Variants in PTPN14 observed in about 807,000 individuals in gnomAD.
The protein encoded by PTPN14 is protein tyrosine phosphatase non-receptor type 14.
Under a neutral mutation model 126.8 loss-of-function variants are expected in PTPN14, and 53 were observed. The observed-to-expected ratio is 0.42, with a 90% CI of 0.34 to 0.53. The LOEUF (loss-of-function observed/expected upper bound fraction) is 0.53, where lower values mean the gene tolerates loss of function less well. PTPN14 is among the 20% of genes least tolerant of loss of function. PTPN14 has a pLI of 0.08. For synonymous variants in PTPN14, 630 were observed against 599.3 expected (o/e 1.05, Z -0.75); for missense variants, 1,257 against 1,552.9 (o/e 0.81, Z 3.20).
In PTPN14 at chr1:214,376,215, T is replaced by G. The variant is rs1222581902; in HGVS notation, c.2907+4A>C. The G allele has an allele frequency of 6.2e-7, 1 of 1,611,684 alleles. No homozygotes were observed. Among genetic ancestry groups the G allele is most frequent in the Admixed American group, 1.7e-5 (1 of 59,974 alleles). ...CAAACCTTCTAACAGGCTTGCCTTC[T>G]TACCTTGATGTGGGAGGCATTAATG... On this transcript the variant is annotated splice_donor_region_variant and intron_variant, in intron 15 of 18. Coordinates refer to ENST00000366956, the MANE Select transcript of PTPN14 (RefSeq NM_005401.5).
At chr1:214,464,071 C>T (rs932060596) in intron 2 of PTPN14, among the ~76,000 whole-genome samples, 3 of 152,008 alleles carry the variant, frequency 2.0e-5, no homozygotes, top group African/African-American at 7.2e-5. Flanking sequence ...GTGAAGGCAA[C>T]GAGGGCTGTG....
At chr1:214,361,565 T>G (rs973406916) in intron 18 of PTPN14, among the ~76,000 whole-genome samples, 1 of 152,238 alleles carries the variant, frequency 6.6e-6, no homozygotes, top group Non-Finnish European at 1.5e-5. Flanking sequence ...TTGCTCAATC[T>G]TGTCTAGAAG....
intron 1 of PTPN14, among the ~76,000 whole-genome samples, chr1:214,535,925 A>G (rs1013730273): frequency 6.6e-6 from 1 of 152,230 alleles, no homozygotes; most frequent in Non-Finnish European, 1.5e-5. Flanking sequence ...TAGAAATTCC[A>G]TTGCATCTGT....
intron 5 of PTPN14, among the ~76,000 whole-genome samples, chr1:214,410,635 G>A (rs544286250): frequency 5.3e-5 from 8 of 152,106 alleles, no homozygotes; most frequent in Non-Finnish European, 1.2e-4. Flanking sequence ...TTGTACAAAG[G>A]GTGAGATAAG....
intron 3 of PTPN14, among the ~76,000 whole-genome samples, chr1:214,427,276 C>CAAAAAAA (rs5741915): frequency 7.7e-5 from 5 of 65,196 alleles, no homozygotes; most frequent in Admixed American, 2.1e-4. Context: ...GTCTCCATCT[C>CAAAAAAA]AAAAAAAAAA....
intron 1 of PTPN14, among the ~76,000 whole-genome samples, chr1:214,537,945 C>T (rs1655746556): frequency 6.6e-6 from 1 of 152,130 alleles, no homozygotes; most frequent in Non-Finnish European, 1.5e-5. Context: ...ATTATGTCAA[C>T]ATATAATAAA....
chr1:214,418,937 T>C (rs1659483428), intron 3 of PTPN14, among the ~76,000 whole-genome samples: 2 of 152,232 alleles, frequency 1.3e-5, no homozygotes, highest in Admixed American at 6.5e-5. Flanking sequence ...GAGTTTCTGA[T>C]TGTAGGCTCC....
intron 15 of PTPN14, among the ~76,000 whole-genome samples, chr1:214,373,505 C>A (rs1558073757): frequency 6.7e-6 from 1 of 150,146 alleles, no homozygotes; most frequent in Non-Finnish European, 1.5e-5. Context: ...TTACTATGTG[C>A]AATGTACTCT....
chr1:214,545,502 T>C (rs1655947883), intron 1 of PTPN14, among the ~76,000 whole-genome samples: 1 of 152,200 alleles, frequency 6.6e-6, no homozygotes, highest in South Asian at 2.1e-4. Flanking sequence ...CTTTTAACAC[T>C]GTTTACAATG....
chr1:214,490,663 CCT>C (rs1267220356), intron 1 of PTPN14, among the ~76,000 whole-genome samples: 2 of 151,384 alleles, frequency 1.3e-5, no homozygotes, highest in Admixed American at 6.6e-5. Flanking sequence ...ATGGTGAAAC[CCT>C]GTTTCTACTA....
chr1:214,513,778 G>A (rs1277422707), intron 1 of PTPN14, among the ~76,000 whole-genome samples: 1 of 151,962 alleles, frequency 6.6e-6, no homozygotes, highest in Non-Finnish European at 1.5e-5. Flanking sequence ...CAATAATAAT[G>A]GTATCTATTT....
At position 214,351,388 on chromosome 1, in the gene PTPN14, C is replaced by G. The variant is rs1255336979; in HGVS notation, c.*6534G>C. ...GAAGAGGGTGACAGCACACAACAGT[C>G]CCACCCGTTCCCCTGAACAAGACAA... On this transcript the variant is annotated 3_prime_UTR_variant, in exon 19 of 19. Transcript: ENST00000366956. 6.6e-6 allele frequency: 1 copy of G among 151,500 alleles called. No homozygotes were observed. Among genetic ancestry groups the G allele is most frequent in the African/African-American group, 2.4e-5 (1 of 41,234 alleles). The allele number at this position is 151,500 out of a possible 1,614,324, so 9.4% of individuals were successfully genotyped here.
intron 1 of PTPN14, among the ~76,000 whole-genome samples, chr1:214,528,010 G>A (rs1470631885): frequency 6.6e-6 from 1 of 151,958 alleles, no homozygotes; most frequent in African/African-American, 2.4e-5. Flanking sequence ...ACCTACCAAG[G>A]ATCAATATTG....
chr1:214,537,261 C>T (rs1262672835), intron 1 of PTPN14, among the ~76,000 whole-genome samples: 5 of 152,072 alleles, frequency 3.3e-5, no homozygotes, highest in Admixed American at 2.6e-4. Context: ...TGGGTACCCC[C>T]GGTAGATACT....
intron 3 of PTPN14, among the ~76,000 whole-genome samples, chr1:214,444,067 G>C (rs1308301043): frequency 6.6e-6 from 1 of 152,018 alleles, no homozygotes; most frequent in Non-Finnish European, 1.5e-5. Context: ...CACAGAATAG[G>C]TACTTAATAA....
chr1:214,428,481 A>G (rs1000510547), intron 3 of PTPN14, among the ~76,000 whole-genome samples: 4 of 152,208 alleles, frequency 2.6e-5, no homozygotes, highest in Admixed American at 6.5e-5. Flanking sequence ...AATCATTTTA[A>G]AAGAGGAAGT....
intron 6 of PTPN14, 43 bp downstream of exon 6, chr1:214,402,840 A>T (rs755489766): frequency 1.9e-6 from 3 of 1,595,862 alleles, no homozygotes; most frequent in Non-Finnish European, 2.6e-6. Context: ...TGGGCTGTAA[A>T]CATCTGTTGT....
At chr1:214,486,082 A>C (rs1438370805) in intron 1 of PTPN14, among the ~76,000 whole-genome samples, 1 of 152,146 alleles carries the variant, frequency 6.6e-6, no homozygotes. Context: ...AGGTGCTGGC[A>C]CTTAAAATGA....
chr1:214,436,647 C>T (rs1659923092), intron 3 of PTPN14, among the ~76,000 whole-genome samples: 2 of 151,808 alleles, frequency 1.3e-5, no homozygotes, highest in Admixed American at 1.3e-4. Context: ...ATTAGCTGGG[C>T]ATGGTGGTGG....
Sources: allele counts gnomAD v4.1 joint callset (sites outside exome capture counted in the v4.1 genomes callset), GRCh38; gene constraint gnomAD v4.1.1; transcripts MANE v1.5; gene names NCBI Gene and HGNC (gene_info 2026-07-23, HGNC 2026-07-21).